Variants in UBE2E2 observed in about 807,000 individuals in gnomAD.
The protein encoded by UBE2E2 is ubiquitin conjugating enzyme E2 E2.
UBE2E2 carries 6 observed loss-of-function variants against 24.7 expected under a neutral mutation model. The observed-to-expected ratio is 0.24, with a 90% CI of 0.13 to 0.48. The LOEUF is 0.48. UBE2E2 is among the 20% of genes least tolerant of loss of function. The pLI is 0.99. For synonymous variants in UBE2E2, 104 were observed against 83.6 expected (o/e 1.24, Z -1.33); for missense variants, 169 against 245.0 (o/e 0.69, Z 2.07).
chr3:23,301,030 C>T (rs1028798812), intron 3 of UBE2E2, among the ~76,000 whole-genome samples: 16 of 152,134 alleles, frequency 1.1e-4, no homozygotes, highest in Middle Eastern at 3.2e-3. Context: ...TCATTTCATT[C>T]GTTTAGTCTT....
chr3:23,507,266 A>G (rs1209960935), intron 4 of UBE2E2, among the ~76,000 whole-genome samples: 5 of 152,010 alleles, frequency 3.3e-5, no homozygotes, highest in Non-Finnish European at 1.5e-5. Flanking sequence ...TTCCCTATAA[A>G]CTTCCTCAAA....
At position 23,217,290 on chromosome 3, in the gene UBE2E2, T is replaced by C. The variant is rs1246365820; in HGVS notation, c.205T>C (p.Leu69=). Reference sequence around the variant, plus strand: ...TCAGAAGGAACTTGCAGAAATCACATTGGACCCTCCTCCCAACTGTAGGTA... The same window carrying C: ...TCAGAAGGAACTTGCAGAAATCACACTGGACCCTCCTCCCAACTGTAGGTA... ...RIQKELAEIT[L]DPPPNCSAGP... is the part of the protein sequence containing the mutation. Residue 69 remains leucine, a synonymous_variant, in exon 3 of 6, where the codon TTG becomes CTG. Coordinates refer to ENST00000396703, the MANE Select transcript of UBE2E2 (RefSeq NM_152653.4). 1.2e-6 allele frequency: 2 copies of C among 1,612,748 alleles called. No individual in the cohort carries two copies. Among genetic ancestry groups the C allele is most frequent in the Non-Finnish European group, 1.7e-6 (2 of 1,179,164 alleles).
chr3:23,318,369 C>G (rs1422980680), intron 3 of UBE2E2, among the ~76,000 whole-genome samples: 1 of 152,022 alleles, frequency 6.6e-6, no homozygotes, highest in African/African-American at 2.4e-5. Context: ...ACAATTAGCA[C>G]TAAAGTTGCT....
chr3:23,213,289 T>C lies in UBE2E2; in HGVS notation c.177-3973T>C, dbSNP rs558613804. Among the ~76,000 whole-genome samples, 9 of 152,258 alleles carry C rather than the reference T, an allele frequency of 5.9e-5. No homozygotes were observed. The East Asian group carries it at 1.7e-3, about 29-fold the overall frequency. On this transcript the variant is annotated intron_variant, in intron 2 of 5. Coordinates refer to ENST00000396703, the MANE Select transcript of UBE2E2 (RefSeq NM_152653.4). Reference sequence around the variant, plus strand: ...TACACTGCTTCATTTTTCTGAACCCTTAGCCCAATATATTGATGTTAAAAT... The same window carrying C: ...TACACTGCTTCATTTTTCTGAACCCCTAGCCCAATATATTGATGTTAAAAT...
intron 3 of UBE2E2, among the ~76,000 whole-genome samples, chr3:23,350,091 T>C (rs541246017): frequency 7.9e-5 from 12 of 152,306 alleles, no homozygotes; most frequent in Admixed American, 5.2e-4. Context: ...AATCCGCTGT[T>C]CTGCAGCCAC....
intron 3 of UBE2E2, among the ~76,000 whole-genome samples, chr3:23,426,804 A>T (rs897834560): frequency 6.6e-6 from 1 of 152,184 alleles, no homozygotes; most frequent in African/African-American, 2.4e-5. Flanking sequence ...AAAAAGGAAG[A>T]ACATCACAGA....
At chr3:23,421,419 G>T (rs1697794105) in intron 3 of UBE2E2, among the ~76,000 whole-genome samples, 2 of 152,138 alleles carry the variant, frequency 1.3e-5, no homozygotes, top group South Asian at 4.1e-4. Context: ...ATACTATTCA[G>T]CCATAAAAAA....
chr3:23,388,749 G>C (rs750877249), intron 3 of UBE2E2, among the ~76,000 whole-genome samples: 1 of 152,138 alleles, frequency 6.6e-6, no homozygotes, highest in Non-Finnish European at 1.5e-5. Flanking sequence ...GCTCACGCCT[G>C]TAATCCCAGT....
In UBE2E2 at chr3:23,208,681, C is replaced by G. The variant is rs985222205; in HGVS notation, c.-8-11C>G. On this transcript the variant is annotated splice_polypyrimidine_tract_variant and intron_variant, in intron 1 of 5. Transcript: ENST00000396703. ...ACAGCTAAATAAATGATTTTTGATTCTTTAATCCAGGATCTAAAATGTCCA... is the reference window on the plus strand; with the variant it reads ...ACAGCTAAATAAATGATTTTTGATTGTTTAATCCAGGATCTAAAATGTCCA... The G allele has an allele frequency of 1.3e-6, 2 of 1,585,948 alleles. No homozygotes were observed. The highest frequency in any genetic ancestry group is 1.7e-6 in the Non-Finnish European group (2 of 1,167,046).
chr3:23,256,440 A>G (rs1290865254), intron 3 of UBE2E2, among the ~76,000 whole-genome samples: 2 of 151,614 alleles, frequency 1.3e-5, no homozygotes, highest in East Asian at 3.9e-4. Context: ...TTTTCATTAT[A>G]TAAACTAAAA....
intron 3 of UBE2E2, among the ~76,000 whole-genome samples, chr3:23,346,117 G>A (rs1695547783): frequency 6.6e-6 from 1 of 152,042 alleles, no homozygotes; most frequent in Non-Finnish European, 1.5e-5. Context: ...TTCTTAAAAG[G>A]CAATTTCTAA....
chr3:23,432,871 T>A (rs1236534991), intron 3 of UBE2E2, among the ~76,000 whole-genome samples: 1 of 151,826 alleles, frequency 6.6e-6, no homozygotes, highest in Non-Finnish European at 1.5e-5. Flanking sequence ...TTAACAGATA[T>A]AATAGATGTT....
rs920712502 is a variant in UBE2E2, at chr3:23,557,572, G to C, written c.508+24871G>C. Among the ~76,000 whole-genome samples the C allele has an allele frequency of 2.6e-5, 4 of 152,158 alleles. No homozygotes were observed. In the South Asian group the frequency reaches 8.3e-4, roughly 32 times the overall value. ...CTTTGGGGTGTAGGAAGAAACTGGA[G>C]TACCCAGAGAAAACCCACACCAGAC... On this transcript the variant is annotated intron_variant, in intron 5 of 5. Transcript: ENST00000396703.
chr3:23,275,057 G>A (rs1356235240), intron 3 of UBE2E2, among the ~76,000 whole-genome samples: 1 of 152,222 alleles, frequency 6.6e-6, no homozygotes, highest in African/African-American at 2.4e-5. Context: ...TGCCTACTGT[G>A]TGTAAAGCGT....
At chr3:23,246,033 T>C (rs1472061870) in intron 3 of UBE2E2, among the ~76,000 whole-genome samples, 1 of 152,188 alleles carries the variant, frequency 6.6e-6, no homozygotes, top group East Asian at 1.9e-4. Flanking sequence ...TCAATATTTA[T>C]ATTTATTGGC....
intron 3 of UBE2E2, among the ~76,000 whole-genome samples, chr3:23,492,168 A>G (rs1252912618): frequency 6.6e-6 from 1 of 152,168 alleles, no homozygotes; most frequent in Non-Finnish European, 1.5e-5. Context: ...CACTAGAGAA[A>G]CACCTTCATT....
chr3:23,534,199 G>T (rs1407889035), intron 5 of UBE2E2: 2 of 979,270 alleles, frequency 2.0e-6, no homozygotes, highest in Non-Finnish European at 2.4e-6. Context: ...AGCTGAAATG[G>T]AATCTGTTAC....
chr3:23,343,593 A>G (rs191265841), intron 3 of UBE2E2, among the ~76,000 whole-genome samples: 17 of 152,288 alleles, frequency 1.1e-4, no homozygotes, highest in Non-Finnish European at 2.5e-4. Context: ...AAAGTTCTGA[A>G]GTGAACATGT....
rs533900451 is a variant in UBE2E2, at chr3:23,413,376, A to G, written c.228-86232A>G. 5.3e-5 allele frequency among the ~76,000 whole-genome samples: 8 copies of G among 152,270 alleles called. No individual in the cohort carries two copies. The South Asian group carries it at 1.5e-3, about 28-fold the overall frequency. ...ACCTTTTTTTCCCAAATGATACTTT[A>G]TAAGTCTTCAGGGGAGAGATTGAAA... On this transcript the variant is annotated intron_variant, in intron 3 of 5. Transcript: ENST00000396703.
Sources: gnomAD v4.1 joint callset for allele counts (sites outside exome capture counted in the v4.1 genomes callset) on GRCh38, gnomAD v4.1.1 for gene constraint, MANE v1.5 for transcripts, NCBI Gene and HGNC (gene_info 2026-07-23, HGNC 2026-07-21) for gene names.